The following VRK2 variants were observed in gnomAD, a reference collection of about 807,000 sequenced individuals.
The protein encoded by VRK2 is serine/threonine-protein kinase VRK2.
In VRK2, 60 loss-of-function variants were observed where a neutral mutation model predicts 57.6. The ratio of observed to expected loss-of-function variants is 1.04; its 90% CI spans 0.85 to 1.29. The LOEUF is 1.29. VRK2 is among the 50% of genes most tolerant of loss of function. VRK2 has a pLI of 0.00. For synonymous variants in VRK2, 231 were observed against 199.2 expected, an observed-to-expected ratio of 1.16 and a Z score of -1.35; for missense variants, 705 against 588.1, an observed-to-expected ratio of 1.20 and a Z score of -2.06.
chr2:58,095,401 A>G (rs1048257650), intron 7 of VRK2, among the ~76,000 whole-genome samples: 3 of 152,000 alleles, frequency 2.0e-5, no homozygotes, highest in African/African-American at 4.8e-5. Flanking sequence ...AGATGTTCAT[A>G]TATGAACAAG....
chr2:58,046,960 G>T, intron 1 of VRK2, 92 bp downstream of exon 1: 1 of 985,498 alleles, frequency 1.0e-6, no homozygotes, highest in Non-Finnish European at 1.2e-6. Context: ...GGCTGCCGTC[G>T]GAGTTAGATG....
chr2:57,923,029 A>G (rs1670406382), intron 1 of VRK2, among the ~76,000 whole-genome samples: 1 of 151,940 alleles, frequency 6.6e-6, no homozygotes, highest in Admixed American at 6.6e-5. Context: ...AGTTCCATCC[A>G]TGTTGTTGCA....
intron 3 of VRK2, among the ~76,000 whole-genome samples, chr2:58,036,373 T>TA (rs557241579): frequency 2.9e-4 from 44 of 152,088 alleles, no homozygotes; most frequent in African/African-American, 1.0e-3. Context: ...AGGATCTTTT[T>TA]AAAAAAATGA....
intron 2 of VRK2, among the ~76,000 whole-genome samples, chr2:58,052,363 AGCACTTTGGAAGGCCCAG>A: frequency 6.6e-6 from 1 of 152,134 alleles, no homozygotes; most frequent in African/African-American, 2.4e-5. Context: ...CAGTAATCCT[AGCACTTTGGAAGGCCCAG>A]GCGGGTGGAT....
intron 9 of VRK2, 98 bp downstream of exon 9, chr2:58,132,026 A>C (rs755685774): frequency 6.9e-7 from 1 of 1,448,494 alleles, no homozygotes; most frequent in East Asian, 2.4e-5. Flanking sequence ...TTCACCCAAC[A>C]TGACAACCAA....
intron 1 of VRK2, among the ~76,000 whole-genome samples, chr2:57,954,822 C>T (rs1156431109): frequency 6.6e-6 from 1 of 152,038 alleles, no homozygotes; most frequent in Non-Finnish European, 1.5e-5. Flanking sequence ...AAAGGTAAGA[C>T]ATTGCCTACT....
chr2:57,963,970 C>T (rs1459528953), intron 1 of VRK2, among the ~76,000 whole-genome samples: 3 of 152,118 alleles, frequency 2.0e-5, no homozygotes, highest in African/African-American at 4.8e-5. Context: ...CTAAAATAGC[C>T]GCCTCTATCT....
intron 1 of VRK2, among the ~76,000 whole-genome samples, chr2:58,008,430 G>A (rs940921640): frequency 6.6e-6 from 1 of 151,894 alleles, no homozygotes; most frequent in Admixed American, 6.6e-5. Flanking sequence ...CACAATAATA[G>A]CTACTGTTTA....
intron 1 of VRK2, among the ~76,000 whole-genome samples, chr2:57,909,252 A>T (rs1420064146): frequency 6.6e-6 from 1 of 152,196 alleles, no homozygotes; most frequent in East Asian, 1.9e-4. Flanking sequence ...CCTTAAAACT[A>T]TCACCAGTCC....
chr2:57,914,361 A>G (rs936347185), intron 1 of VRK2, among the ~76,000 whole-genome samples: 4 of 151,938 alleles, frequency 2.6e-5, no homozygotes, highest in Non-Finnish European at 4.4e-5. Context: ...ACACAGTAAA[A>G]CCTTAGTTAA....
At chr2:57,941,399 T>C (rs1263895732) in intron 1 of VRK2, among the ~76,000 whole-genome samples, 2 of 152,296 alleles carry the variant, frequency 1.3e-5, no homozygotes, top group Admixed American at 6.5e-5. Flanking sequence ...TGATCTACCA[T>C]GAGCACCCGA....
rs1180664088 is a variant in VRK2 at position 58,157,115 on chromosome 2, TC to T, written c.1183-2232del. Among the ~76,000 whole-genome samples the T allele has an allele frequency of 3.3e-5, 5 of 152,312 alleles. No homozygotes were observed. The East Asian group carries it at 5.8e-4, about 18-fold the overall frequency. ...TTCTTAGGTCTGTGTTATTTTCCCT[TC>T]CTGAGCTTTGTTTTAGATCCCTAAG... is the stretch of plus-strand genomic sequence containing the variant. On this transcript the variant is annotated intron_variant, in intron 12 of 12. Coordinates refer to ENST00000340157, the MANE Select transcript of VRK2 (RefSeq NM_006296.7).
chr2:58,137,050 T>C (rs1159016911), intron 10 of VRK2, among the ~76,000 whole-genome samples: 1 of 127,784 alleles, frequency 7.8e-6, no homozygotes, highest in African/African-American at 3.1e-5. Flanking sequence ...ATATAATATA[T>C]ATGTGTATAT....
intron 9 of VRK2, among the ~76,000 whole-genome samples, chr2:58,134,859 A>G (rs1558681167): frequency 6.6e-6 from 1 of 152,148 alleles, no homozygotes; most frequent in Non-Finnish European, 1.5e-5. Context: ...GTCTTTTGTT[A>G]TAGGAATGTT....
At chr2:57,956,887 C>A (rs772652523) in intron 1 of VRK2, among the ~76,000 whole-genome samples, 11 of 152,092 alleles carry the variant, frequency 7.2e-5, no homozygotes, top group Non-Finnish European at 1.2e-4. Context: ...ATTGATATTT[C>A]AAATATGCAA....
intron 12 of VRK2, among the ~76,000 whole-genome samples, chr2:58,156,664 A>G (rs181117272): frequency 3.3e-5 from 5 of 152,168 alleles, no homozygotes; most frequent in Admixed American, 3.3e-4. Flanking sequence ...AACCTAGCCA[A>G]TGAATTTTTC....
At chr2:57,914,645 A>G (rs1670090456) in intron 1 of VRK2, among the ~76,000 whole-genome samples, 2 of 152,132 alleles carry the variant, frequency 1.3e-5, no homozygotes, top group Admixed American at 1.3e-4. Flanking sequence ...TTCTCATTTA[A>G]GGTCACTCTA....
chr2:58,144,597 A>T (rs575524468), intron 11 of VRK2, among the ~76,000 whole-genome samples: 1 of 152,002 alleles, frequency 6.6e-6, no homozygotes, highest in Non-Finnish European at 1.5e-5. Flanking sequence ...TGGTAAGCCA[A>T]TGTTTTAATA....
intron 1 of VRK2, among the ~76,000 whole-genome samples, chr2:57,979,439 T>G (rs1476738354): frequency 6.6e-6 from 1 of 151,184 alleles, no homozygotes; most frequent in African/African-American, 2.5e-5. Flanking sequence ...TAGGTTCAAT[T>G]TGATATTATT....
Sources: allele counts gnomAD v4.1 joint callset (sites outside exome capture counted in the v4.1 genomes callset), GRCh38; gene constraint gnomAD v4.1.1; transcripts MANE v1.5; gene names NCBI Gene and HGNC (gene_info 2026-07-23, HGNC 2026-07-21).